ADAM18: variants seen among roughly 807,000 people sequenced by gnomAD.
ADAM18 encodes the protein disintegrin and metalloproteinase domain-containing protein 18.
A neutral mutation model predicts 94.4 loss-of-function variants in ADAM18; 117 were observed. The ratio of observed to expected loss-of-function variants is 1.24; its 90% confidence interval spans 1.07 to 1.45. The LOEUF (loss-of-function observed/expected upper bound fraction) is 1.45. Ranked by LOEUF, ADAM18 falls within the 40% of genes most tolerant of loss-of-function variation. The pLI is 0.00. For synonymous variants in ADAM18, 327 were observed against 291.6 expected (o/e 1.12, Z -1.24); for missense variants, 936 against 880.0 (o/e 1.06, Z -0.81).
intron 6 of ADAM18, among the ~76,000 whole-genome samples, chr8:39,625,179 G>T (rs1819726313): frequency 6.6e-6 from 1 of 152,104 alleles, no homozygotes; most frequent in South Asian, 2.1e-4. Context: ...ATGAGCATGG[G>T]ATGAATTTCC....
chr8:39,616,068 G>A (rs1819429446), intron 6 of ADAM18, among the ~76,000 whole-genome samples: 1 of 152,044 alleles, frequency 6.6e-6, no homozygotes, highest in Admixed American at 6.6e-5. Context: ...GAAACAAATG[G>A]GGAAAATATT....
intron 14 of ADAM18, among the ~76,000 whole-genome samples, chr8:39,673,013 C>T (rs1821198904): frequency 6.6e-6 from 1 of 152,124 alleles, no homozygotes; most frequent in Non-Finnish European, 1.5e-5. Context: ...ATAGTTTGTG[C>T]AATTCCCTCA....
chr8:39,598,164 T>G (rs541736458), intron 2 of ADAM18, among the ~76,000 whole-genome samples: 115 of 152,262 alleles, frequency 7.6e-4, no homozygotes, highest in African/African-American at 2.7e-3. Context: ...CCAGAAGGTT[T>G]TTTCATCAAT....
intron 6 of ADAM18, among the ~76,000 whole-genome samples, chr8:39,622,514 A>G (rs563781656): frequency 2.6e-5 from 4 of 151,970 alleles, no homozygotes; most frequent in South Asian, 2.1e-4. Flanking sequence ...AATAAAGCAC[A>G]TGAGAATCTA....
intron 18 of ADAM18, among the ~76,000 whole-genome samples, chr8:39,714,393 C>G (rs1822511519): frequency 6.6e-6 from 1 of 152,098 alleles, no homozygotes; most frequent in Non-Finnish European, 1.5e-5. Flanking sequence ...ACCTATGTAT[C>G]AAACCTGCAT....
At chr8:39,728,566 G>A (rs1263107977) in intron 19 of ADAM18, among the ~76,000 whole-genome samples, 1 of 151,970 alleles carries the variant, frequency 6.6e-6, no homozygotes. Flanking sequence ...AAGTCTTTAA[G>A]GTGTATAGGA....
At chr8:39,643,871 GGTTTTTGTATCTTGCCCCAAA>G (rs1820305550) in intron 10 of ADAM18, among the ~76,000 whole-genome samples, 1 of 150,410 alleles carries the variant, frequency 6.6e-6, no homozygotes, top group Non-Finnish European at 1.5e-5. Flanking sequence ...TCTAGCTTTT[GGTTTTTGTATCTTGCCCCAAA>G]ACATGATGGT....
In ADAM18 at chr8:39,638,527, A is replaced by G. The variant is rs776530900; in HGVS notation, c.890A>G (p.Tyr297Cys). The part of the protein sequence containing the change: ...TFPGTVCNKS[Y>C]DAGIAMYPDA... Reference sequence around the variant, plus strand: ...CCTGGCACTGTATGCAATAAAAGCTATGATGCAGGTATTGCTATGGTATGT... The same window carrying G: ...CCTGGCACTGTATGCAATAAAAGCTGTGATGCAGGTATTGCTATGGTATGT... The change falls in exon 10 of 20, where the codon TAT becomes TGT. Residue 297 changes from tyrosine to cysteine, a missense_variant. By Grantham distance (194) the Tyr-to-Cys change is radical (BLOSUM62 -2). Coordinates refer to ENST00000265707, the MANE Select transcript of ADAM18 (RefSeq NM_014237.3). 2 of 1,575,530 alleles carry G rather than the reference A, an allele frequency of 1.3e-6. No individual in the cohort carries two copies. The highest frequency in any genetic ancestry group is 4.6e-5 in the East Asian group (2 of 43,878).
chr8:39,609,593 G>A (rs749986097), intron 5 of ADAM18, 32 bp downstream of exon 5: 12 of 1,477,204 alleles, frequency 8.1e-6, no homozygotes, highest in Admixed American at 1.7e-5. Flanking sequence ...TCTATAGATG[G>A]AGAACTTAAG....
At chr8:39,704,149 A>C (rs1822162042) in intron 17 of ADAM18, among the ~76,000 whole-genome samples, 1 of 152,108 alleles carries the variant, frequency 6.6e-6, no homozygotes, top group Non-Finnish European at 1.5e-5. Context: ...GAGCTAGTAC[A>C]ATTACTACTG....
At position 39,724,907 on chromosome 8, in the gene ADAM18, C is replaced by T. The variant is rs964868353; in HGVS notation, c.2177+1000C>T. Among the ~76,000 whole-genome samples, 9 of 151,574 alleles carry T rather than the reference C, an allele frequency of 5.9e-5. No homozygotes were observed. The South Asian group carries it at 8.3e-4, about 14-fold the overall frequency. ...ATTTTCAACTTAGTTGAGCTCTGAT[C>T]ACAAAATATACTTCATTTGATTTCA... On this transcript the variant is annotated intron_variant, in intron 19 of 19. Transcript: ENST00000265707.
intron 16 of ADAM18, among the ~76,000 whole-genome samples, chr8:39,689,617 T>G (rs1157941535): frequency 6.6e-6 from 1 of 152,224 alleles, no homozygotes; most frequent in African/African-American, 2.4e-5. Context: ...TAGTTTGAAG[T>G]CAGGCAGCAT....
At chr8:39,650,767 C>T (rs940909256) in intron 12 of ADAM18, among the ~76,000 whole-genome samples, 12 of 152,114 alleles carry the variant, frequency 7.9e-5, no homozygotes, top group African/African-American at 1.2e-4. Flanking sequence ...ACATTTTGCA[C>T]GAAAATAGAG....
chr8:39,710,756 T>C (rs1210744881), intron 18 of ADAM18, among the ~76,000 whole-genome samples: 1 of 152,192 alleles, frequency 6.6e-6, no homozygotes. Context: ...CAGGAGAACA[T>C]GGAGGACTAA....
intron 2 of ADAM18, among the ~76,000 whole-genome samples, chr8:39,599,212 C>T (rs1006001294): frequency 7.9e-5 from 12 of 152,010 alleles, no homozygotes; most frequent in African/African-American, 2.4e-4. Flanking sequence ...TCAAGTGTTG[C>T]GTTACCTTTG....
chr8:39,674,744 T>G (rs765416849), intron 14 of ADAM18, among the ~76,000 whole-genome samples: 5 of 152,228 alleles, frequency 3.3e-5, no homozygotes, highest in African/African-American at 7.2e-5. Flanking sequence ...TTGGCCTGTT[T>G]TTGTAGTGGC....
intron 2 of ADAM18, among the ~76,000 whole-genome samples, chr8:39,588,821 G>A (rs1253610408): frequency 6.6e-6 from 1 of 152,208 alleles, no homozygotes; most frequent in African/African-American, 2.4e-5. Context: ...TTAGGAGGTT[G>A]TTAAAGTACT....
chr8:39,663,694 C>T (rs536409869), intron 12 of ADAM18, 101 bp from the exon 13 acceptor site: 43 of 496,112 alleles, frequency 8.7e-5, no homozygotes, highest in Non-Finnish European at 1.2e-4. Context: ...TGTATAACTA[C>T]AAGTTTGTAC....
chr8:39,647,034 C>T (rs972705908), intron 11 of ADAM18, among the ~76,000 whole-genome samples: 9 of 151,548 alleles, frequency 5.9e-5, no homozygotes, highest in African/African-American at 7.3e-5. Flanking sequence ...TCAGGTGGGA[C>T]GAGAGACTGA....
Sources: allele counts gnomAD v4.1 joint callset (sites outside exome capture counted in the v4.1 genomes callset), GRCh38; gene constraint gnomAD v4.1.1; transcripts MANE v1.5; gene names NCBI Gene and HGNC (gene_info 2026-07-23, HGNC 2026-07-21).